Variants in THEMIS observed in about 807,000 individuals in gnomAD.
THEMIS encodes thymocyte selection associated.
Under a neutral mutation model 52.6 loss-of-function variants are expected in THEMIS, and 37 were observed. The observed-to-expected ratio is 0.70, with a 90% CI of 0.54 to 0.93. The LOEUF (loss-of-function observed/expected upper bound fraction) is 0.93, where lower values mean the gene tolerates loss of function less well. Among genes scored for constraint, THEMIS ranks in the 40% least tolerant of loss-of-function variants. THEMIS has a pLI of 0.00. For missense variants in THEMIS, 808 were observed against 763.1 expected (o/e 1.06, Z -0.69); for synonymous variants, 292 against 272.7 (o/e 1.07, Z -0.70).
At chr6:127,720,588 C>T (rs10484715) in intron 4 of THEMIS, among the ~76,000 whole-genome samples, 4,220 of 151,948 alleles carry the variant, frequency 0.028, 205 homozygotes, top group African/African-American at 0.096. Context: ...AGATTCTCAG[C>T]GTAAATATTA....
chr6:127,734,913 A>ATGTG (rs67013117), intron 4 of THEMIS, among the ~76,000 whole-genome samples: 10 of 106,454 alleles, frequency 9.4e-5, no homozygotes, highest in South Asian at 9.2e-4. Flanking sequence ...ATATATATAT[A>ATGTG]TGTGTGTGTG....
At position 127,868,502 on chromosome 6, in the gene THEMIS, C is replaced by T. The variant is rs555625075; in HGVS notation, c.92-13314G>A. 3.0e-6 allele frequency: 3 copies of T among 985,108 alleles called. No individual in the cohort carries two copies. The African/African-American group carries it at 5.2e-5, about 17-fold the overall frequency. 61.0% of individuals were successfully genotyped at this position (985,108 alleles called of 1,614,324 possible). A position where few individuals can be genotyped will look rare whatever the true frequency, so the allele number is the denominator to read the frequency against. ...CCTTCCACAAATGAACTCTGGTGTG[C>T]CACAAATTGGTTACAGATGTGCCAA... is the stretch of plus-strand genomic sequence containing the variant. On this transcript the variant is annotated intron_variant, in intron 1 of 5. Coordinates refer to ENST00000368248, the MANE Select transcript of THEMIS (RefSeq NM_001010923.3).
intron 1 of THEMIS, among the ~76,000 whole-genome samples, chr6:127,906,364 A>C (rs1781269011): frequency 6.6e-6 from 1 of 151,940 alleles, no homozygotes; most frequent in Non-Finnish European, 1.5e-5. Context: ...TATCTAAAGC[A>C]AAATTGACCA....
chr6:127,792,497 AAG>A (rs1475277344), intron 4 of THEMIS, among the ~76,000 whole-genome samples: 27 of 152,210 alleles, frequency 1.8e-4, no homozygotes, highest in African/African-American at 6.0e-4. Context: ...GTTTCTGGGA[AAG>A]AGATGATTTT....
At chr6:127,782,223 C>T (rs1026552658) in intron 4 of THEMIS, among the ~76,000 whole-genome samples, 1 of 152,112 alleles carries the variant, frequency 6.6e-6, no homozygotes, top group Non-Finnish European at 1.5e-5. Context: ...GTGGATGTTA[C>T]CTTTTTGGGC....
intron 4 of THEMIS, among the ~76,000 whole-genome samples, chr6:127,732,141 C>T (rs989531357): frequency 1.3e-5 from 2 of 151,510 alleles, no homozygotes; most frequent in African/African-American, 4.9e-5. Flanking sequence ...TCTCGTTGCT[C>T]AGTTTTAAAA....
At chr6:127,837,085 T>A (rs914066522) in intron 2 of THEMIS, among the ~76,000 whole-genome samples, 1 of 152,078 alleles carries the variant, frequency 6.6e-6, no homozygotes, top group African/African-American at 2.4e-5. Flanking sequence ...TGTGTTTGAT[T>A]AAGAGGAGTT....
intron 4 of THEMIS, among the ~76,000 whole-genome samples, chr6:127,726,937 G>C (rs1774568063): frequency 6.6e-6 from 1 of 152,198 alleles, no homozygotes; most frequent in Admixed American, 6.5e-5. Context: ...TGAATAGACA[G>C]CTAATCTGTA....
intron 2 of THEMIS, among the ~76,000 whole-genome samples, chr6:127,833,953 A>G (rs1218609255): frequency 6.6e-6 from 1 of 152,248 alleles, no homozygotes; most frequent in Admixed American, 6.5e-5. Context: ...TCAAAGCAAA[A>G]AGTTCAAAAT....
chr6:127,705,895 C>T (rs1773791925), downstream of THEMIS, among the ~76,000 whole-genome samples: 1 of 152,154 alleles, frequency 6.6e-6, no homozygotes, highest in Admixed American at 6.5e-5. Flanking sequence ...CCAGGGTACC[C>T]TTAGGATCAG....
intron 2 of THEMIS, among the ~76,000 whole-genome samples, chr6:127,845,761 A>G (rs1176025206): frequency 1.3e-5 from 2 of 151,892 alleles, no homozygotes; most frequent in African/African-American, 4.8e-5. Context: ...ACCTGCAGTG[A>G]TGGGAAAAAA....
rs1778041372 is a variant in THEMIS at position 127,814,018 on chromosome 6, C to A, written c.710-87G>T. On this transcript the variant is annotated intron_variant, in intron 3 of 5. Coordinates refer to ENST00000368248, the MANE Select transcript of THEMIS (RefSeq NM_001010923.3). ...CTCTCCTGATGCCATAAATAAATTTCTTTTACAAAATAAAGAACTCAGATG... is the reference window on the plus strand; with the variant it reads ...CTCTCCTGATGCCATAAATAAATTTATTTTACAAAATAAAGAACTCAGATG... 18 of 1,163,840 alleles carry A rather than the reference C, an allele frequency of 1.5e-5. No individual in the cohort carries two copies. In the South Asian group the frequency reaches 1.7e-4, roughly 11 times the overall value. 72.1% of individuals were successfully genotyped at this position (1,163,840 alleles called of 1,614,324 possible). A position where few individuals can be genotyped will look rare whatever the true frequency, so the allele number is the denominator to read the frequency against.
chr6:127,807,224 G>C (rs1777744094), intron 4 of THEMIS: 1 of 189,266 alleles, frequency 5.3e-6, no homozygotes, highest in African/African-American at 2.4e-5. Flanking sequence ...ACCTGGACGT[G>C]GTGGGGGGTG....
chr6:127,783,616 C>CA (rs1270143974), intron 4 of THEMIS, among the ~76,000 whole-genome samples: 6 of 151,972 alleles, frequency 3.9e-5, no homozygotes, highest in East Asian at 1.9e-4. Flanking sequence ...TTTATGCAGC[C>CA]AAAAAAACAT....
At chr6:127,810,404 G>C (rs1359212871) in intron 4 of THEMIS, among the ~76,000 whole-genome samples, 1 of 152,088 alleles carries the variant, frequency 6.6e-6, no homozygotes, top group Non-Finnish European at 1.5e-5. Context: ...CAACATTGTT[G>C]GAAGGTGGGT....
In THEMIS at chr6:127,900,897, A is replaced by C; in HGVS notation, c.36T>G (p.Leu12=). ...GAACCCTGGGTAGGGTCCTGAGGTCAAGGGAGTGGACGAATTCTTCCAGTG... is the reference window on the plus strand; with the variant it reads ...GAACCCTGGGTAGGGTCCTGAGGTCCAGGGAGTGGACGAATTCTTCCAGTG... ...ALSLEEFVHS[L]DLRTLPRVLE... Residue 12 remains leucine (L), a synonymous_variant, in exon 1 of 6, where the codon CTT becomes CTG. Coordinates refer to ENST00000368248, the MANE Select transcript of THEMIS (RefSeq NM_001010923.3). 6.2e-7 allele frequency: 1 copy of C among 1,613,210 alleles called. No individual in the cohort carries two copies. Among genetic ancestry groups the C allele is most frequent in the African/African-American group, 1.3e-5 (1 of 74,952 alleles).
chr6:127,744,482 A>G (rs1196479109), intron 4 of THEMIS, among the ~76,000 whole-genome samples: 1 of 152,040 alleles, frequency 6.6e-6, no homozygotes, highest in East Asian at 1.9e-4. Flanking sequence ...CATACAATGA[A>G]ATATTATTCA....
chr6:127,717,676 T>C (rs1774216897), intron 5 of THEMIS, among the ~76,000 whole-genome samples: 1 of 151,874 alleles, frequency 6.6e-6, no homozygotes, highest in African/African-American at 2.4e-5. Flanking sequence ...TTGTTGACAT[T>C]GAATACCAAG....
upstream of THEMIS, among the ~76,000 whole-genome samples, chr6:127,903,531 C>G (rs899791254): frequency 6.6e-6 from 1 of 151,660 alleles, no homozygotes; most frequent in Non-Finnish European, 1.5e-5. Context: ...ATTTCCCTAA[C>G]TTTCCATGCA....
Sources: gnomAD v4.1 joint callset for allele counts (sites outside exome capture counted in the v4.1 genomes callset) on GRCh38, gnomAD v4.1.1 for gene constraint, MANE v1.5 for transcripts, NCBI Gene and HGNC (gene_info 2026-07-23, HGNC 2026-07-21) for gene names.